NRG3: variants seen among roughly 807,000 people sequenced by gnomAD.
NRG3 encodes neuregulin 3, also known as pro-neuregulin-3, membrane-bound isoform.
NRG3 carries 31 observed loss-of-function variants against 66.9 expected under a neutral mutation model. That is an observed-to-expected ratio of 0.46 (90% CI 0.35 to 0.63). The LOEUF is 0.63. Among genes scored for constraint, NRG3 ranks in the 20% least tolerant of loss-of-function variants. The pLI is 0.00. For missense variants in NRG3, 910 were observed against 878.9 expected (o/e 1.04, Z -0.45); for synonymous variants, 393 against 359.4 (o/e 1.09, Z -1.06).
chr10:82,910,574 C>A lies in NRG3; in HGVS notation c.1055-40895C>A, dbSNP rs558646797. Among the ~76,000 whole-genome samples the A allele has an allele frequency of 3.3e-5, 5 of 152,332 alleles. No homozygotes were observed. In the East Asian group the frequency reaches 9.7e-4, roughly 29 times the overall value. Reference sequence around the variant, plus strand: ...CTATCTGGTTTTACAAACATTTGTACCAGTGGCTTATGCTCACTGCAAAGA... The same window carrying A: ...CTATCTGGTTTTACAAACATTTGTAACAGTGGCTTATGCTCACTGCAAAGA... On this transcript the variant is annotated intron_variant, in intron 4 of 8. Coordinates refer to ENST00000372141, the MANE Select transcript of NRG3 (RefSeq NM_001010848.4).
At chr10:82,880,933 A>G (rs941316060) in intron 4 of NRG3, among the ~76,000 whole-genome samples, 8 of 152,094 alleles carry the variant, frequency 5.3e-5, no homozygotes, top group Non-Finnish European at 1.0e-4. Context: ...CTTCTATCTC[A>G]CACTCCAGTT....
At chr10:82,388,683 G>A (rs2086167182) in intron 2 of NRG3, among the ~76,000 whole-genome samples, 1 of 152,132 alleles carries the variant, frequency 6.6e-6, no homozygotes, top group Non-Finnish European at 1.5e-5. Context: ...TCATCTTAGA[G>A]CATCCAGACT....
intron 2 of NRG3, among the ~76,000 whole-genome samples, chr10:82,418,194 C>T (rs111891054): frequency 1.5e-3 from 222 of 152,224 alleles, no homozygotes; most frequent in African/African-American, 5.0e-3. Context: ...AAAGGCAGTT[C>T]ACCTTCTCTC....
At chr10:82,656,724 T>A (rs2051890320) in intron 2 of NRG3, among the ~76,000 whole-genome samples, 1 of 152,172 alleles carries the variant, frequency 6.6e-6, no homozygotes, top group African/African-American at 2.4e-5. Flanking sequence ...AGGTTGCTTC[T>A]CCATCAGCAG....
rs148488536 is a variant in NRG3, at chr10:81,935,779, C to A, written c.823+59616C>A. On this transcript the variant is annotated intron_variant, in intron 1 of 8. Transcript: ENST00000372141. ...AGCCTTCCTGACCAACCTGTATAACCCTTTGTTACACAACCCTTTGTTCCT... is the reference window on the plus strand; with the variant it reads ...AGCCTTCCTGACCAACCTGTATAACACTTTGTTACACAACCCTTTGTTCCT... 4.3e-3 allele frequency among the ~76,000 whole-genome samples: 653 copies of A among 152,064 alleles called. 3 individuals carry two copies. Among genetic ancestry groups the A allele is most frequent in the African/African-American group, 0.015 (621 of 41,494 alleles).
At chr10:82,884,535 C>G in intron 4 of NRG3, among the ~76,000 whole-genome samples, 1 of 152,126 alleles carries the variant, frequency 6.6e-6, no homozygotes, top group East Asian at 1.9e-4. Context: ...TTGGTAAGAT[C>G]TCACAGTTTG....
rs549988310 is a variant in NRG3, at chr10:82,431,918, A to G, written c.953+73050A>G. ...TCCATGGATATAAATTTACTTACAT[A>G]TATTGATCTGCTTATCAAACTTATT... On this transcript the variant is annotated intron_variant, in intron 2 of 8. Coordinates refer to ENST00000372141, the MANE Select transcript of NRG3 (RefSeq NM_001010848.4). 7.2e-5 allele frequency among the ~76,000 whole-genome samples: 11 copies of G among 152,338 alleles called. No homozygotes were observed. The South Asian group carries it at 2.3e-3, about 32-fold the overall frequency.
At chr10:82,495,204 G>A (rs1590344399) in intron 2 of NRG3, among the ~76,000 whole-genome samples, 1 of 152,002 alleles carries the variant, frequency 6.6e-6, no homozygotes, top group African/African-American at 2.4e-5. Flanking sequence ...CAAAGTGCTG[G>A]GATTACAGGC....
intron 1 of NRG3, among the ~76,000 whole-genome samples, chr10:81,904,692 T>C (rs1483064322): frequency 2.0e-5 from 3 of 152,138 alleles, no homozygotes; most frequent in Non-Finnish European, 2.9e-5. Context: ...CAGCAATCTT[T>C]TGTTTCTATG....
At chr10:82,539,513 A>T (rs1334249385) in intron 2 of NRG3, among the ~76,000 whole-genome samples, 1 of 152,080 alleles carries the variant, frequency 6.6e-6, no homozygotes, top group African/African-American at 2.4e-5. Flanking sequence ...GGACAACCAT[A>T]CCTCTGAGGA....
At chr10:81,909,654 G>A (rs1844934093) in intron 1 of NRG3, among the ~76,000 whole-genome samples, 1 of 152,162 alleles carries the variant, frequency 6.6e-6, no homozygotes, top group African/African-American at 2.4e-5. Flanking sequence ...TGTCTTAAGG[G>A]CTCTTTGAGA....
intron 6 of NRG3, among the ~76,000 whole-genome samples, chr10:82,972,821 AT>A (rs201767963): frequency 1.3e-5 from 2 of 151,794 alleles, no homozygotes; most frequent in African/African-American, 4.8e-5. Context: ...GATTAACTTG[AT>A]TTTTTTTATC....
At position 82,811,527 on chromosome 10, in the gene NRG3, G is replaced by A. The variant is rs117017322; in HGVS notation, c.1028-53884G>A. 6.4e-3 allele frequency among the ~76,000 whole-genome samples: 977 copies of A among 152,250 alleles called. 5 individuals are homozygous for A. Among genetic ancestry groups the A allele is most frequent in the South Asian group, 0.03 (147 of 4,822 alleles). Reference sequence around the variant, plus strand: ...AGCTACCTTCCTATTAGATTCTATTGTAACACTTGTGGAACAGGTGAAAAG... The same window carrying A: ...AGCTACCTTCCTATTAGATTCTATTATAACACTTGTGGAACAGGTGAAAAG... On this transcript the variant is annotated intron_variant, in intron 3 of 8. Transcript: ENST00000372141.
intron 1 of NRG3, among the ~76,000 whole-genome samples, chr10:81,912,869 A>G (rs1336032388): frequency 6.6e-6 from 1 of 152,224 alleles, no homozygotes; most frequent in African/African-American, 2.4e-5. Context: ...TCATCCAGGC[A>G]TCTTCAAGGC....
chr10:81,890,527 A>C (rs780747390), intron 1 of NRG3, among the ~76,000 whole-genome samples: 1 of 152,180 alleles, frequency 6.6e-6, no homozygotes, highest in Non-Finnish European at 1.5e-5. Flanking sequence ...TGATGTTTGC[A>C]CTCTCTTGCT....
chr10:82,305,779 C>T (rs1035668963), intron 1 of NRG3, among the ~76,000 whole-genome samples: 14 of 152,166 alleles, frequency 9.2e-5, no homozygotes, highest in African/African-American at 3.4e-4. Context: ...TCTACTTATA[C>T]AATTCTAACT....
chr10:82,193,750 A>C (rs921498382), intron 1 of NRG3, among the ~76,000 whole-genome samples: 1 of 152,188 alleles, frequency 6.6e-6, no homozygotes, highest in African/African-American at 2.4e-5. Flanking sequence ...GAACAGTCTT[A>C]TTAGTAAGAA....
At chr10:82,504,692 T>C (rs1426799330) in intron 2 of NRG3, among the ~76,000 whole-genome samples, 2 of 152,146 alleles carry the variant, frequency 1.3e-5, no homozygotes, top group African/African-American at 2.4e-5. Flanking sequence ...TAAGCCCAAA[T>C]ACAAAGTAAG....
chr10:82,802,264 G>A (rs1228972670), intron 3 of NRG3, among the ~76,000 whole-genome samples: 1 of 152,176 alleles, frequency 6.6e-6, no homozygotes, highest in African/African-American at 2.4e-5. Flanking sequence ...CCACAAATGA[G>A]TAGCATCTTG....
Sources: allele counts gnomAD v4.1 joint callset (sites outside exome capture counted in the v4.1 genomes callset), GRCh38; gene constraint gnomAD v4.1.1; transcripts MANE v1.5; gene names NCBI Gene and HGNC (gene_info 2026-07-23, HGNC 2026-07-21).